The following MAGI2 variants were observed in gnomAD, a reference collection of about 807,000 sequenced individuals.
MAGI2 encodes membrane-associated guanylate kinase, WW and PDZ domain-containing protein 2.
In MAGI2, 35 loss-of-function variants were observed where a neutral mutation model predicts 133.3. The ratio of observed to expected loss-of-function variants is 0.26; its 90% CI spans 0.20 to 0.35. The LOEUF is 0.35. MAGI2 is among the 10% of genes least tolerant of loss of function. The pLI, the probability that MAGI2 is intolerant of heterozygous loss-of-function variation, is 1.00. For missense variants in MAGI2, 1,636 were observed against 1,863.4 expected, an observed-to-expected ratio of 0.88 and a Z score of 2.25; for synonymous variants, 729 against 710.6, an observed-to-expected ratio of 1.03 and a Z score of -0.41.
intron 1 of MAGI2, among the ~76,000 whole-genome samples, chr7:79,311,251 C>CG (rs1563103277): frequency 6.6e-6 from 1 of 152,060 alleles, no homozygotes; most frequent in African/African-American, 2.4e-5. Context: ...CAGGTGTGTC[C>CG]GATCTTTTGG....
chr7:78,267,871 C>T (rs903392394), intron 9 of MAGI2, among the ~76,000 whole-genome samples: 1 of 152,132 alleles, frequency 6.6e-6, no homozygotes, highest in African/African-American at 2.4e-5. Flanking sequence ...TCAGACACAA[C>T]AGACAAATGG....
intron 3 of MAGI2, among the ~76,000 whole-genome samples, chr7:78,548,284 G>A (rs1054142577): frequency 6.6e-6 from 1 of 152,114 alleles, no homozygotes; most frequent in South Asian, 2.1e-4. Flanking sequence ...TCTTTCTTTG[G>A]AGCAGAAATC....
intron 1 of MAGI2, among the ~76,000 whole-genome samples, chr7:79,035,957 G>C (rs1811090059): frequency 6.6e-6 from 1 of 152,142 alleles, no homozygotes; most frequent in African/African-American, 2.4e-5. Flanking sequence ...TTTAAAAATT[G>C]TTTGAATAGA....
intron 1 of MAGI2, among the ~76,000 whole-genome samples, chr7:79,202,729 G>C (rs973456803): frequency 1.3e-5 from 2 of 151,870 alleles, no homozygotes; most frequent in South Asian, 4.1e-4. Flanking sequence ...AATTGGGCTC[G>C]CAATATGGTA....
intron 9 of MAGI2, among the ~76,000 whole-genome samples, chr7:78,295,408 C>T (rs1346469599): frequency 6.6e-6 from 1 of 152,156 alleles, no homozygotes; most frequent in Non-Finnish European, 1.5e-5. Context: ...CATCTGAATG[C>T]TTATCCACTG....
intron 1 of MAGI2, among the ~76,000 whole-genome samples, chr7:79,435,805 A>G (rs1340192145): frequency 6.6e-6 from 1 of 152,184 alleles, no homozygotes; most frequent in African/African-American, 2.4e-5. Flanking sequence ...AATAGTCAAG[A>G]GCAATCCTAA....
chr7:78,053,724 C>T (rs1812262426), intron 21 of MAGI2, among the ~76,000 whole-genome samples: 1 of 152,144 alleles, frequency 6.6e-6, no homozygotes, highest in Non-Finnish European at 1.5e-5. Context: ...AGTAGAAGTG[C>T]CCATTTATTG....
chr7:78,079,148 G>A lies in MAGI2; in HGVS notation c.3568-63C>T. On this transcript the variant is annotated intron_variant, in intron 20 of 21. Coordinates refer to ENST00000354212, the MANE Select transcript of MAGI2 (RefSeq NM_012301.4). The stretch of plus-strand genomic sequence containing the variant: ...TTTTACTCAAGTTGCATTGTCAACA[G>A]ATTAAAAAAAAAGCATGTCTAGATG... 7 of 1,498,886 alleles carry A rather than the reference G, an allele frequency of 4.7e-6. No homozygotes were observed. In the South Asian group the frequency reaches 4.8e-5, roughly 10 times the overall value. The allele number at this position is 1,498,886 out of a possible 1,614,324, so 92.8% of individuals were successfully genotyped here.
chr7:78,160,669 C>T (rs902743541), intron 15 of MAGI2, among the ~76,000 whole-genome samples: 3 of 152,146 alleles, frequency 2.0e-5, no homozygotes, highest in Non-Finnish European at 2.9e-5. Flanking sequence ...GCATAAGAAT[C>T]ACTTAAATAA....
intron 1 of MAGI2, among the ~76,000 whole-genome samples, chr7:79,288,722 C>T (rs901669066): frequency 5.3e-5 from 8 of 151,980 alleles, no homozygotes; most frequent in African/African-American, 1.4e-4. Flanking sequence ...TGGAGAAATA[C>T]GACCAAAGAT....
rs1342246318 is a variant in MAGI2, at chr7:79,367,875, A to ATATATATATATG, written c.301+85144_301+85145insCATATATATATA. ...ATATGTGACATATATATATATATAT[A>ATATATATATATG]TGTCATTGACTGGTCAGTCTTCTTC... On this transcript the variant is annotated intron_variant, in intron 1 of 21. Transcript: ENST00000354212. 8.2e-5 allele frequency among the ~76,000 whole-genome samples: 10 copies of ATATATATATATG among 122,110 alleles called. 1 individual carries two copies. The highest frequency in any genetic ancestry group is 7.2e-4 in the East Asian group (3 of 4,166). 80.1% of individuals were successfully genotyped at this position (122,110 alleles called of 152,430 possible).
intron 2 of MAGI2, among the ~76,000 whole-genome samples, chr7:78,768,161 A>G (rs1030005180): frequency 3.1e-4 from 47 of 152,332 alleles, no homozygotes; most frequent in South Asian, 8.3e-4. Context: ...TCTTAGCTTT[A>G]CAAACATGGT....
rs529014390 is a variant in MAGI2 at position 79,379,031 on chromosome 7, T to C, written c.301+73989A>G. Among the ~76,000 whole-genome samples, 16 of 149,642 alleles carry C rather than the reference T, an allele frequency of 1.1e-4. No individual in the cohort carries two copies. In the East Asian group the frequency reaches 3.2e-3, roughly 30 times the overall value. ...AACACGCAGGTTTGTTACATATGTA[T>C]ACACGTGCCATGTTGGTGTGCTGCA... On this transcript the variant is annotated intron_variant, in intron 1 of 21. Transcript: ENST00000354212.
intron 2 of MAGI2, among the ~76,000 whole-genome samples, chr7:78,632,365 TATGGAGAAAAGG>T (rs1487254873): frequency 1.4e-4 from 22 of 152,154 alleles, no homozygotes; most frequent in African/African-American, 5.1e-4. Flanking sequence ...GCTTAGACAG[TATGGAGAAAAGG>T]GTGGAGGAGA....
chr7:78,349,966 C>A (rs1466258098), intron 7 of MAGI2, among the ~76,000 whole-genome samples: 3 of 152,174 alleles, frequency 2.0e-5, no homozygotes, highest in African/African-American at 7.2e-5. Flanking sequence ...AGCTTCCATA[C>A]AGAACAAGAA....
At chr7:78,166,003 C>T (rs532429528) in intron 15 of MAGI2, among the ~76,000 whole-genome samples, 1 of 152,294 alleles carries the variant, frequency 6.6e-6, no homozygotes, top group African/African-American at 2.4e-5. Context: ...AACTTGGAAA[C>T]TCTCCTGGTG....
intron 1 of MAGI2, among the ~76,000 whole-genome samples, chr7:79,237,422 G>C (rs1832025150): frequency 6.6e-6 from 1 of 152,176 alleles, no homozygotes; most frequent in African/African-American, 2.4e-5. Context: ...GAACCCGGGA[G>C]GTGGAGCTTG....
chr7:78,242,030 A>T (rs1791203116), intron 10 of MAGI2, among the ~76,000 whole-genome samples: 1 of 152,208 alleles, frequency 6.6e-6, no homozygotes, highest in Non-Finnish European at 1.5e-5. Flanking sequence ...ACAGCACATA[A>T]GGAATAGCAA....
intron 1 of MAGI2, among the ~76,000 whole-genome samples, chr7:79,379,015 G>A (rs1843594168): frequency 6.9e-6 from 1 of 144,982 alleles, no homozygotes. Context: ...CAACACGCAG[G>A]TTTGTTACAT....
Sources: gnomAD v4.1 joint callset for allele counts (sites outside exome capture counted in the v4.1 genomes callset) on GRCh38, gnomAD v4.1.1 for gene constraint, MANE v1.5 for transcripts, NCBI Gene and HGNC (gene_info 2026-07-23, HGNC 2026-07-21) for gene names.